SMC6: variants seen among roughly 807,000 people sequenced by gnomAD.
The protein encoded by SMC6 is structural maintenance of chromosomes protein 6.
Under a neutral mutation model 142.2 loss-of-function variants are expected in SMC6, and 79 were observed. The ratio of observed to expected loss-of-function variants is 0.56; its 90% CI spans 0.46 to 0.67. The LOEUF (loss-of-function observed/expected upper bound fraction) is 0.67. Ranked by LOEUF, SMC6 falls within the 30% of genes least tolerant of loss-of-function variation. SMC6 has a pLI of 0.00. For synonymous variants in SMC6, 411 were observed against 412.4 expected (o/e 1.00, Z 0.04); for missense variants, 1,072 against 1,284.0 (o/e 0.83, Z 2.52).
chr2:17,739,382 C>T (rs896143095), intron 4 of SMC6, among the ~76,000 whole-genome samples: 3 of 152,050 alleles, frequency 2.0e-5, no homozygotes, highest in African/African-American at 7.2e-5. Flanking sequence ...CAGTGGTTCA[C>T]GCCTGTAATC....
chr2:17,692,084 T>A (rs1273289838), intron 23 of SMC6, among the ~76,000 whole-genome samples: 3 of 152,190 alleles, frequency 2.0e-5, no homozygotes, highest in Non-Finnish European at 4.4e-5. Context: ...GAACATTCCA[T>A]GCTCATGGGT....
At chr2:17,699,764 T>A (rs1668180821) in intron 21 of SMC6, among the ~76,000 whole-genome samples, 1 of 152,182 alleles carries the variant, frequency 6.6e-6, no homozygotes, top group South Asian at 2.1e-4. Context: ...ATAAAGTCAA[T>A]TGAATTCAGC....
chr2:17,746,167 A>C (rs1670736766), intron 2 of SMC6: 1 of 437,722 alleles, frequency 2.3e-6, no homozygotes, highest in African/African-American at 2.1e-5. Context: ...TTTCCCCTAG[A>C]GGCCCTAAAA....
chr2:17,680,641 G>C (rs977852298), intron 24 of SMC6: 6 of 152,128 alleles, frequency 3.9e-5, no homozygotes, highest in African/African-American at 1.2e-4. Flanking sequence ...ATCAGCTCTT[G>C]GGTGACCAGG....
intron 22 of SMC6, 82 bp from the exon 23 acceptor site, chr2:17,695,379 G>A (rs1667940865): frequency 8.4e-7 from 1 of 1,188,200 alleles, no homozygotes; most frequent in African/African-American, 1.6e-5. Flanking sequence ...AATCTGCAAA[G>A]TAAAATTCTG....
At chr2:17,692,681 C>A (rs1010832362) in intron 23 of SMC6, among the ~76,000 whole-genome samples, 8 of 152,150 alleles carry the variant, frequency 5.3e-5, no homozygotes, top group Admixed American at 3.3e-4. Flanking sequence ...AAAGCAATGG[C>A]AACAAAAGCC....
At chr2:17,720,866 G>A in intron 11 of SMC6, 74 bp downstream of exon 11, 1 of 1,224,624 alleles carries the variant, frequency 8.2e-7, no homozygotes, top group South Asian at 1.3e-5. Context: ...TGGTTTGGTG[G>A]GTCATAAATA....
intron 14 of SMC6, 116 bp from the exon 15 acceptor site, chr2:17,716,380 C>G (rs531537193): frequency 1.1e-6 from 1 of 922,586 alleles, no homozygotes; most frequent in African/African-American, 1.7e-5. Flanking sequence ...CCCTAAAAAC[C>G]AAAAGCAGAA....
At position 17,730,244 on chromosome 2, in the gene SMC6, T is replaced by C. The variant is rs188025252; in HGVS notation, c.543+834A>G. 3.3e-4 allele frequency among the ~76,000 whole-genome samples: 51 copies of C among 152,316 alleles called. No individual in the cohort carries two copies. The South Asian group carries it at 6.2e-3, about 19-fold the overall frequency. ...GTTTATAGAACTACATGTACCCTATTATCAATTAATTCAGCCAAAGTATCT... is the reference window on the plus strand; with the variant it reads ...GTTTATAGAACTACATGTACCCTATCATCAATTAATTCAGCCAAAGTATCT... On this transcript the variant is annotated intron_variant, in intron 7 of 27. Coordinates refer to ENST00000448223, the MANE Select transcript of SMC6 (RefSeq NM_001142286.2).
rs574372786 is a variant in SMC6 at position 17,725,372 on chromosome 2, C to CA, written c.625-15dup. 1,930 of 1,483,452 alleles carry CA rather than the reference C, an allele frequency of 1.3e-3. No homozygotes were observed. Among genetic ancestry groups the CA allele is most frequent in the South Asian group, 2.0e-3 (157 of 77,150 alleles). 91.9% of individuals were successfully genotyped at this position (1,483,452 alleles called of 1,614,324 possible). On this transcript the variant is annotated splice_polypyrimidine_tract_variant and intron_variant, in intron 8 of 27. Coordinates refer to ENST00000448223, the MANE Select transcript of SMC6 (RefSeq NM_001142286.2). ...TTTCATGAAGAACTATTATCAATAA[C>CA]AAAAAAAAACGCAATTAGGAGTTTG...
intron 7 of SMC6, among the ~76,000 whole-genome samples, chr2:17,730,365 ATTTAGCAAC>A (rs1669845156): frequency 1.3e-5 from 2 of 151,478 alleles, no homozygotes; most frequent in Admixed American, 1.3e-4. Context: ...TTCTTTAAGA[ATTTAGCAAC>A]TTTAGAAACT....
rs1167612436 is a variant in SMC6, at chr2:17,683,702, T to G, written c.2740A>C (p.Lys914Gln). 1 of 1,612,268 alleles carries G rather than the reference T, an allele frequency of 6.2e-7. No homozygotes were observed. The highest frequency in any genetic ancestry group is 1.7e-5 in the Admixed American group (1 of 59,954). Residue 914 changes from lysine (K) to glutamine (Q), a missense_variant, in exon 24 of 28, where the codon AAG (lysine) becomes CAG (glutamine). Lys to Gln is a moderately conservative substitution (Grantham distance 53, BLOSUM62 1). Transcript: ENST00000448223. ...DLDSKVRTLKKFIKLLGEIME... is the reference protein window; with the variant it reads ...DLDSKVRTLKQFIKLLGEIME... ...ATTTCTCCCAGTAATTTAATAAACT[T>G]TTTTAAAGTCCTCACTTTACTATCC...
chr2:17,683,295 T>C (rs1315680897), intron 24 of SMC6, among the ~76,000 whole-genome samples: 1 of 152,194 alleles, frequency 6.6e-6, no homozygotes, highest in African/African-American at 2.4e-5. Context: ...AACTGAGGTA[T>C]TACCTTTATA....
Position 17,732,015 on chromosome 2 carries a change from G to A in SMC6, c.345-138C>T, listed in dbSNP as rs1042901365. 3 of 733,780 alleles carry A rather than the reference G, an allele frequency of 4.1e-6. No homozygotes were observed. In the African/African-American group the frequency reaches 5.3e-5, roughly 13 times the overall value. 45.5% of individuals were successfully genotyped at this position (733,780 alleles called of 1,614,324 possible). ...GCAAATTAGATTTACATCAACAGCT[G>A]ACACTGATTGTTCACTACAGCATAA... On this transcript the variant is annotated intron_variant, in intron 5 of 27. Transcript: ENST00000448223.
At chr2:17,676,087 T>G (rs1292562433) in intron 25 of SMC6, among the ~76,000 whole-genome samples, 2 of 152,162 alleles carry the variant, frequency 1.3e-5, no homozygotes, top group African/African-American at 4.8e-5. Flanking sequence ...CTGCCTTGAT[T>G]TGTTAATTGT....
intron 1 of SMC6, among the ~76,000 whole-genome samples, 187 bp downstream of exon 1, chr2:17,753,439 G>A (rs1212049854): frequency 1.4e-5 from 2 of 141,386 alleles, no homozygotes; most frequent in African/African-American, 5.4e-5. Context: ...CGAAGGTGCC[G>A]CCGGCCGCCC....
intron 26 of SMC6, among the ~76,000 whole-genome samples, chr2:17,667,757 C>G (rs1666567390): frequency 6.6e-6 from 1 of 152,054 alleles, no homozygotes; most frequent in Non-Finnish European, 1.5e-5. Context: ...GGCTGAGTCA[C>G]AAGGATCAAT....
At chr2:17,683,401 TTTAAGCATAAAAGACCTA>T (rs1667317270) in intron 24 of SMC6, among the ~76,000 whole-genome samples, 1 of 152,264 alleles carries the variant, frequency 6.6e-6, no homozygotes, top group East Asian at 1.9e-4. Flanking sequence ...AAAGGACCTA[TTTAAGCATAAAAGACCTA>T]TTAAGCATAA....
chr2:17,693,722 G>A (rs1280734012), intron 23 of SMC6, among the ~76,000 whole-genome samples: 1 of 151,898 alleles, frequency 6.6e-6, no homozygotes, highest in African/African-American at 2.4e-5. Flanking sequence ...GAGGCCAGGC[G>A]TGGTGGCTCA....
Sources: allele counts gnomAD v4.1 joint callset (sites outside exome capture counted in the v4.1 genomes callset), GRCh38; gene constraint gnomAD v4.1.1; transcripts MANE v1.5; gene names NCBI Gene and HGNC (gene_info 2026-07-23, HGNC 2026-07-21).